The following TFB1M variants were observed in gnomAD, a reference collection of about 807,000 sequenced individuals.
The protein encoded by TFB1M is dimethyladenosine transferase 1, mitochondrial.
TFB1M carries 27 observed loss-of-function variants against 31.1 expected under a neutral mutation model. That is an observed-to-expected ratio of 0.87 (90% CI 0.64 to 1.20). The LOEUF is 1.20. Among genes scored for constraint, TFB1M ranks in the 50% most tolerant of loss-of-function variants. TFB1M has a pLI of 0.00. For missense variants in TFB1M, 394 were observed against 418.7 expected (o/e 0.94, Z 0.51); for synonymous variants, 166 against 151.8 (o/e 1.09, Z -0.69).
downstream of TFB1M, among the ~76,000 whole-genome samples, chr6:155,251,216 C>CTCA (rs1783636874): frequency 6.6e-6 from 1 of 152,216 alleles, no homozygotes; most frequent in Non-Finnish European, 1.5e-5. Context: ...CTTGTTCTCC[C>CTCA]TTCTGCTGCT....
intron 5 of TFB1M, among the ~76,000 whole-genome samples, chr6:155,270,856 T>A (rs1201147385): frequency 6.6e-6 from 1 of 152,220 alleles, no homozygotes; most frequent in East Asian, 1.9e-4. Context: ...GTGTCTGCAA[T>A]TCAACTCAAC....
chr6:155,289,367 C>T (rs553124295), intron 4 of TFB1M, among the ~76,000 whole-genome samples: 1 of 152,266 alleles, frequency 6.6e-6, no homozygotes, highest in East Asian at 1.9e-4. Flanking sequence ...GTTCAGCCTT[C>T]CCTGTAACTA....
intron 5 of TFB1M, among the ~76,000 whole-genome samples, chr6:155,269,329 T>C (rs575444685): frequency 5.4e-5 from 8 of 146,988 alleles, no homozygotes; most frequent in African/African-American, 1.2e-4. Flanking sequence ...CTTTTCTTTT[T>C]TTTTTTTTTT....
intron 5 of TFB1M, among the ~76,000 whole-genome samples, chr6:155,268,502 T>C (rs1046199018): frequency 9.2e-5 from 14 of 152,322 alleles, no homozygotes; most frequent in African/African-American, 3.1e-4. Flanking sequence ...ATTTCCAAAA[T>C]ACTCAGTTAA....
At chr6:155,281,516 G>A (rs1431631144) in intron 5 of TFB1M, among the ~76,000 whole-genome samples, 1 of 152,154 alleles carries the variant, frequency 6.6e-6, no homozygotes, top group Non-Finnish European at 1.5e-5. Flanking sequence ...GAGGCCAGGA[G>A]TTCGAGACCA....
intron 5 of TFB1M, chr6:155,260,644 A>T (rs1452632072): frequency 1.8e-6 from 1 of 551,118 alleles, no homozygotes; most frequent in Non-Finnish European, 3.3e-6. Context: ...CCTGTGCTTG[A>T]TGGTCACTTA....
chr6:155,296,858 C>T (rs1477115146), intron 4 of TFB1M, 95 bp downstream of exon 4: 1 of 1,221,080 alleles, frequency 8.2e-7, no homozygotes, highest in Non-Finnish European at 1.2e-6. Flanking sequence ...AAGATATTAA[C>T]TTAGAAAACA....
At chr6:155,265,476 G>A (rs1204618511) in intron 5 of TFB1M, among the ~76,000 whole-genome samples, 2 of 147,918 alleles carry the variant, frequency 1.4e-5, no homozygotes, top group Non-Finnish European at 3.0e-5. Context: ...ATTCATAGCT[G>A]ATACTGTTAA....
At position 155,264,384 on chromosome 6, in the gene TFB1M, T is replaced by C. The variant is rs143730701; in HGVS notation, c.667-3984A>G. On this transcript the variant is annotated intron_variant, in intron 5 of 6. Coordinates refer to ENST00000367166, the MANE Select transcript of TFB1M (RefSeq NM_016020.4). Reference sequence around the variant, plus strand: ...AAAAGAAAATACTGACAAATGTGAATGTAGATCACATTTTCTGGAATTGGT... The same window carrying C: ...AAAAGAAAATACTGACAAATGTGAACGTAGATCACATTTTCTGGAATTGGT... 33 of 152,308 alleles carry C rather than the reference T, an allele frequency of 2.2e-4. 2 individuals carry two copies. The highest frequency in any genetic ancestry group is 7.7e-4 in the African/African-American group (32 of 41,564). 9.4% of individuals were successfully genotyped at this position (152,308 alleles called of 1,614,324 possible).
intron 5 of TFB1M, among the ~76,000 whole-genome samples, chr6:155,274,644 T>C (rs1785086120): frequency 6.6e-6 from 1 of 152,228 alleles, no homozygotes; most frequent in Admixed American, 6.5e-5. Context: ...ACCAGGCACC[T>C]GAAGTAAAAC....
the TFB1M span, among the ~76,000 whole-genome samples, chr6:155,239,643 G>A: frequency 6.6e-6 from 1 of 152,202 alleles, no homozygotes; most frequent in African/African-American, 2.4e-5. Flanking sequence ...AAGGCCAGTG[G>A]TCCCCCCAGA....
chr6:155,309,657 A>G (rs1295505869), intron 2 of TFB1M, among the ~76,000 whole-genome samples: 4 of 152,204 alleles, frequency 2.6e-5, no homozygotes, highest in Non-Finnish European at 4.4e-5. Context: ...ATGAGGGACA[A>G]GAAGTCTTTT....
intron 4 of TFB1M, among the ~76,000 whole-genome samples, chr6:155,285,629 T>C (rs1583346461): frequency 6.6e-6 from 1 of 152,208 alleles, no homozygotes; most frequent in Non-Finnish European, 1.5e-5. Context: ...TTAGCAAGCA[T>C]AATGAAAAAT....
intron 5 of TFB1M, chr6:155,276,255 T>C (rs747714294): frequency 1.9e-6 from 3 of 1,614,070 alleles, no homozygotes; most frequent in African/African-American, 2.7e-5. Flanking sequence ...ATCTCTGGCA[T>C]GATTTTCTGC....
intron 5 of TFB1M, among the ~76,000 whole-genome samples, chr6:155,266,088 A>C (rs1300658078): frequency 6.6e-6 from 1 of 152,002 alleles, no homozygotes; most frequent in Non-Finnish European, 1.5e-5. Flanking sequence ...CACTGACTCA[A>C]ATGTTAATCT....
downstream of TFB1M, chr6:155,253,050 G>A (rs760957354): frequency 6.8e-6 from 11 of 1,613,492 alleles, no homozygotes; most frequent in Admixed American, 1.8e-4. Context: ...GGGGAATCCA[G>A]CAGGTAACTG....
In TFB1M at chr6:155,305,523, ATT is replaced by A. The variant is rs1777680357; in HGVS notation, c.285+5663_285+5664del. On this transcript the variant is annotated intron_variant, in intron 2 of 6. Transcript: ENST00000367166. ...TATTAAATTATATATTTATATATATATTAAATTATATATTTATATATATAAAT... is the reference window on the plus strand; with the variant it reads ...TATTAAATTATATATTTATATATATAAAATTATATATTTATATATATAAAT... Among the ~76,000 whole-genome samples the A allele has an allele frequency of 4.1e-5, 2 of 49,056 alleles. 1 individual carries two copies. Among genetic ancestry groups the A allele is most frequent in the Non-Finnish European group, 6.3e-5 (2 of 31,622 alleles). 32.2% of individuals were successfully genotyped at this position (49,056 alleles called of 152,430 possible).
rs1432991074 is a variant in TFB1M at position 155,285,279 on chromosome 6, T to G, written c.547-2A>C. On this transcript the variant is annotated splice_acceptor_variant, in intron 4 of 6. Transcript: ENST00000367166. LOFTEE classifies it high-confidence loss of function. The stretch of plus-strand genomic sequence containing the variant: ...GCTTCCTGTATTGGCTGCAAGTCTC[T>G]AGAGAGAGACAAAAATGAATTTTAG... 1 of 1,613,740 alleles carries G rather than the reference T, an allele frequency of 6.2e-7. No homozygotes were observed. Among genetic ancestry groups the G allele is most frequent in the East Asian group, 2.2e-5 (1 of 44,852 alleles).
At chr6:155,240,049 C>T in the TFB1M span, among the ~76,000 whole-genome samples, 1 of 152,222 alleles carries the variant, frequency 6.6e-6, no homozygotes, top group Non-Finnish European at 1.5e-5. Context: ...GCCAGGTCGT[C>T]CTGTAATTGC....
Sources: gnomAD v4.1 joint callset for allele counts (sites outside exome capture counted in the v4.1 genomes callset) on GRCh38, gnomAD v4.1.1 for gene constraint, MANE v1.5 for transcripts, NCBI Gene and HGNC (gene_info 2026-07-23, HGNC 2026-07-21) for gene names.